C8orf34: variants seen among roughly 807,000 people sequenced by gnomAD.
The protein encoded by C8orf34 is chromosome 8 open reading frame 34, also known as uncharacterized protein C8orf34.
C8orf34 carries 65 observed loss-of-function variants against 68.3 expected under a neutral mutation model. The observed-to-expected ratio is 0.95, with a 90% CI of 0.78 to 1.17. The LOEUF is 1.17. Ranked by LOEUF, C8orf34 falls within the 50% of genes most tolerant of loss-of-function variation. The pLI, the probability that C8orf34 is intolerant of heterozygous loss-of-function variation, is 0.00. For synonymous variants in C8orf34, 244 were observed against 241.2 expected (o/e 1.01, Z -0.11); for missense variants, 664 against 655.4 (o/e 1.01, Z -0.14).
At chr8:68,568,459 G>C (rs1471123212) in intron 7 of C8orf34, among the ~76,000 whole-genome samples, 1 of 151,866 alleles carries the variant, frequency 6.6e-6, no homozygotes, top group East Asian at 1.9e-4. Context: ...AATGTTGTGA[G>C]AATTACCAAA....
At chr8:68,333,829 G>C (rs1805734145) in intron 1 of C8orf34, among the ~76,000 whole-genome samples, 1 of 152,218 alleles carries the variant, frequency 6.6e-6, no homozygotes, top group Non-Finnish European at 1.5e-5. Flanking sequence ...GCCGCTTCAT[G>C]TCTTGTCATC....
intron 8 of C8orf34, among the ~76,000 whole-genome samples, chr8:68,683,531 C>A (rs1820428026): frequency 6.6e-6 from 1 of 151,708 alleles, no homozygotes; most frequent in Non-Finnish European, 1.5e-5. Flanking sequence ...CCTCTTGATT[C>A]CAAACAGAAA....
At chr8:68,688,718 G>A (rs964332074) in intron 8 of C8orf34, among the ~76,000 whole-genome samples, 1 of 152,064 alleles carries the variant, frequency 6.6e-6, no homozygotes, top group Non-Finnish European at 1.5e-5. Flanking sequence ...GTCATACTCA[G>A]CAAACTAACA....
chr8:68,739,450 C>A (rs138037246), intron 10 of C8orf34, among the ~76,000 whole-genome samples: 2 of 151,976 alleles, frequency 1.3e-5, no homozygotes, highest in East Asian at 3.9e-4. Flanking sequence ...CAAAAAAAGT[C>A]AAGGCAAGAG....
At chr8:68,663,513 T>C (rs76789672) in intron 8 of C8orf34, among the ~76,000 whole-genome samples, 9,549 of 152,212 alleles carry the variant, frequency 0.063, 332 homozygotes, top group Middle Eastern at 0.11. Flanking sequence ...ACCAGTTACA[T>C]TCAATATCAT....
chr8:68,551,735 G>A (rs566286003), intron 7 of C8orf34, among the ~76,000 whole-genome samples: 1 of 152,154 alleles, frequency 6.6e-6, no homozygotes, highest in African/African-American at 2.4e-5. Context: ...CTTTTAGTGA[G>A]TCTGTGCTTC....
intron 8 of C8orf34, among the ~76,000 whole-genome samples, chr8:68,652,713 G>A (rs1040141081): frequency 3.3e-5 from 5 of 152,048 alleles, no homozygotes; most frequent in Admixed American, 1.3e-4. Flanking sequence ...TTGAAATCAG[G>A]TTTATCTTAA....
intron 8 of C8orf34, among the ~76,000 whole-genome samples, chr8:68,650,744 G>T (rs937598954): frequency 3.3e-5 from 5 of 152,124 alleles, no homozygotes; most frequent in African/African-American, 1.2e-4. Context: ...CTCCCAAAGT[G>T]CTGGGATTAC....
chr8:68,760,519 G>A (rs895958943), intron 10 of C8orf34, among the ~76,000 whole-genome samples: 1 of 152,158 alleles, frequency 6.6e-6, no homozygotes, highest in African/African-American at 2.4e-5. Context: ...GCTTGGAGGA[G>A]ACACTGAATG....
chr8:68,508,181 T>C (rs1469314233), intron 5 of C8orf34, among the ~76,000 whole-genome samples: 14 of 152,260 alleles, frequency 9.2e-5, no homozygotes, highest in African/African-American at 1.9e-4. Flanking sequence ...CATCTATTTA[T>C]TGAAGACACT....
intron 1 of C8orf34, among the ~76,000 whole-genome samples, chr8:68,406,855 G>A (rs1809220191): frequency 6.6e-6 from 1 of 152,080 alleles, no homozygotes; most frequent in African/African-American, 2.4e-5. Flanking sequence ...GATTACAAAG[G>A]ACTGCTATCT....
chr8:68,620,692 GA>G (rs1313320372), intron 7 of C8orf34, among the ~76,000 whole-genome samples: 8 of 149,198 alleles, frequency 5.4e-5, no homozygotes, highest in South Asian at 2.1e-4. Flanking sequence ...AGTTTACTGG[GA>G]AAAAAAAAAA....
At chr8:68,505,003 C>CG (rs1037875749) in intron 5 of C8orf34, among the ~76,000 whole-genome samples, 1 of 151,876 alleles carries the variant, frequency 6.6e-6, no homozygotes, top group African/African-American at 2.4e-5. Context: ...TTAGTAGAGA[C>CG]GGGGTTTCAC....
rs957159697 is a variant in C8orf34, at chr8:68,534,882, C to T, written c.1105+1733C>T. On this transcript the variant is annotated intron_variant, in intron 7 of 13. Transcript: ENST00000518698. ...CCGAGGATTGAGTCTTGGAGACTAT[C>T]TAATGATGAGCAATTAATAACTAGT... 4 of 985,222 alleles carry T rather than the reference C, an allele frequency of 4.1e-6. No homozygotes were observed. In the South Asian group the frequency reaches 1.9e-4, roughly 46 times the overall value. The allele number at this position is 985,222 out of a possible 1,614,324, so 61.0% of individuals were successfully genotyped here. A position where few individuals can be genotyped will look rare whatever the true frequency, so the allele number is the denominator to read the frequency against.
rs554503578 is a variant in C8orf34 at position 68,619,130 on chromosome 8, C to A, written c.1106-21246C>A. On this transcript the variant is annotated intron_variant, in intron 7 of 13. Coordinates refer to ENST00000518698, the MANE Select transcript of C8orf34 (RefSeq NM_052958.4). ...ATCACTTGAGCTCAGGAGTTTGAGA[C>A]CAGCCTGGGCAACATGGTGAAATCT... Among the ~76,000 whole-genome samples, 4 of 152,086 alleles carry A rather than the reference C, an allele frequency of 2.6e-5. No homozygotes were observed. In the South Asian group the frequency reaches 8.3e-4, roughly 32 times the overall value.
rs539533292 is a variant in C8orf34 at position 68,383,689 on chromosome 8, A to G, written c.327+52350A>G. Reference sequence around the variant, plus strand: ...GTGCACCCTTCTGGAAAAATATTAGAAAAAAACTACATCCTCGACTGCAGC... The same window carrying G: ...GTGCACCCTTCTGGAAAAATATTAGGAAAAAACTACATCCTCGACTGCAGC... On this transcript the variant is annotated intron_variant, in intron 1 of 13. Transcript: ENST00000518698. 6.6e-5 allele frequency among the ~76,000 whole-genome samples: 10 copies of G among 152,258 alleles called. 1 individual carries two copies. In the South Asian group the frequency reaches 1.7e-3, roughly 25 times the overall value.
Position 68,640,495 on chromosome 8 carries a change from T to A in C8orf34, c.1225T>A (p.Cys409Ser). 3 of 1,613,708 alleles carry A rather than the reference T, an allele frequency of 1.9e-6. No individual in the cohort carries two copies. Among genetic ancestry groups the A allele is most frequent in the Non-Finnish European group, 2.5e-6 (3 of 1,179,796 alleles). The change falls in exon 8 of 14, where the codon TGT becomes AGT. Residue 409 changes from cysteine (C) to serine (S), a missense_variant. Cys to Ser is a moderately radical substitution (Grantham distance 112, BLOSUM62 -1). Transcript: ENST00000518698. ...EPQAKVTLNI[C>S]SRCARLQGDN... ...TCAGGCCAAGGTCACACTGAACATCTGTTCAAGGTGTGCCAGGTAAAAGAC... is the reference window on the plus strand; with the variant it reads ...TCAGGCCAAGGTCACACTGAACATCAGTTCAAGGTGTGCCAGGTAAAAGAC...
chr8:68,566,414 T>G (rs1816590459), intron 7 of C8orf34, among the ~76,000 whole-genome samples: 1 of 152,216 alleles, frequency 6.6e-6, no homozygotes, highest in Non-Finnish European at 1.5e-5. Flanking sequence ...CATGTGGTAT[T>G]TGGTTTTCTG....
intron 7 of C8orf34, among the ~76,000 whole-genome samples, chr8:68,582,463 T>G (rs1357715364): frequency 6.6e-6 from 1 of 152,058 alleles, no homozygotes; most frequent in Non-Finnish European, 1.5e-5. Flanking sequence ...ATAATTCTAG[T>G]TTTTATGGTG....
Sources: gnomAD v4.1 joint callset for allele counts (sites outside exome capture counted in the v4.1 genomes callset) on GRCh38, gnomAD v4.1.1 for gene constraint, MANE v1.5 for transcripts, NCBI Gene and HGNC (gene_info 2026-07-23, HGNC 2026-07-21) for gene names.